SORCS3: variants seen among roughly 807,000 people sequenced by gnomAD.
SORCS3 encodes the protein sortilin related VPS10 domain containing receptor 3, also known as VPS10 domain-containing receptor SorCS3.
A neutral mutation model predicts 146.3 loss-of-function variants in SORCS3; 57 were observed. That is an observed-to-expected ratio of 0.39 (90% CI 0.31 to 0.49). SORCS3 has a LOEUF of 0.49. Among genes scored for constraint, SORCS3 ranks in the 20% least tolerant of loss-of-function variants. The pLI, the probability that SORCS3 is intolerant of heterozygous loss-of-function variation, is 0.92. For synonymous variants in SORCS3, 653 were observed against 618.5 expected, an observed-to-expected ratio of 1.06 and a Z score of -0.83; for missense variants, 1,341 against 1,575.5, an observed-to-expected ratio of 0.85 and a Z score of 2.52.
intron 5 of SORCS3, among the ~76,000 whole-genome samples, chr10:105,065,691 A>G (rs1181297462): frequency 6.6e-6 from 1 of 152,214 alleles, no homozygotes; most frequent in Non-Finnish European, 1.5e-5. Context: ...TCATTCTAAG[A>G]AGACAGCCAC....
chr10:105,246,237 A>G lies in SORCS3; in HGVS notation c.2992+572A>G, dbSNP rs2056865446. Among the ~76,000 whole-genome samples the G allele has an allele frequency of 1.3e-5, 2 of 152,164 alleles. 1 individual carries two copies. The highest frequency in any genetic ancestry group is 4.8e-5 in the African/African-American group (2 of 41,446). ...GAGAACCACTGTTAAGTTTATTACAAATGAAAGTGCCTCTACTGCCATTTC... is the reference window on the plus strand; with the variant it reads ...GAGAACCACTGTTAAGTTTATTACAGATGAAAGTGCCTCTACTGCCATTTC... On this transcript the variant is annotated intron_variant, in intron 21 of 26. Transcript: ENST00000369701.
At chr10:104,748,555 G>A (rs905028452) in intron 1 of SORCS3, among the ~76,000 whole-genome samples, 1 of 152,150 alleles carries the variant, frequency 6.6e-6, no homozygotes, top group Non-Finnish European at 1.5e-5. Flanking sequence ...CTCAGGGATA[G>A]GATTCTCTAG....
chr10:104,917,700 A>C (rs1288548997), intron 3 of SORCS3, among the ~76,000 whole-genome samples: 1 of 152,194 alleles, frequency 6.6e-6, no homozygotes, highest in African/African-American at 2.4e-5. Flanking sequence ...TTCTGAGATT[A>C]ACTCTTTTAG....
rs1384926543 is a variant in SORCS3, at chr10:105,256,915, A to G, written c.3434A>G (p.Lys1145Arg). The change falls in exon 25 of 27, where the codon AAG becomes AGG. Residue 1145 changes from lysine (K) to arginine (R), a missense_variant. By Grantham distance (26) the Lys-to-Arg change is conservative. Coordinates refer to ENST00000369701, the MANE Select transcript of SORCS3 (RefSeq NM_014978.3). ...FVGLAVFLIY[K>R]FKRKIPWINI... The stretch of plus-strand genomic sequence containing the variant: ...GGCCTGGCTGTGTTTTTGATCTACA[A>G]GTTTAAAAGGTATGTCCTATTATCA... The G allele has an allele frequency of 6.2e-7, 1 of 1,612,652 alleles. No individual in the cohort carries two copies. The highest frequency in any genetic ancestry group is 1.7e-5 in the Admixed American group (1 of 60,018).
intron 3 of SORCS3, among the ~76,000 whole-genome samples, chr10:104,975,328 A>T (rs2054888750): frequency 6.6e-6 from 1 of 152,120 alleles, no homozygotes. Flanking sequence ...AAAGAGAATA[A>T]AATACCTAGG....
intron 1 of SORCS3, among the ~76,000 whole-genome samples, chr10:104,694,623 G>A (rs569618679): frequency 3.9e-5 from 6 of 152,200 alleles, no homozygotes; most frequent in South Asian, 2.1e-4. Flanking sequence ...AAAAGGCCTG[G>A]CCATCTTGTC....
intron 1 of SORCS3, among the ~76,000 whole-genome samples, chr10:104,754,986 A>T (rs2017031611): frequency 6.6e-6 from 1 of 152,232 alleles, no homozygotes; most frequent in Non-Finnish European, 1.5e-5. Flanking sequence ...CCAAAGAAGA[A>T]ATTAAATTAG....
intron 1 of SORCS3, among the ~76,000 whole-genome samples, chr10:104,650,657 G>A (rs72811700): frequency 1.9e-4 from 29 of 152,298 alleles, no homozygotes; most frequent in Non-Finnish European, 3.7e-4. Flanking sequence ...GTATCTGGTG[G>A]TTAAGTCAAT....
At chr10:105,001,265 T>A (rs1046813730) in intron 4 of SORCS3, among the ~76,000 whole-genome samples, 1 of 152,154 alleles carries the variant, frequency 6.6e-6, no homozygotes, top group Non-Finnish European at 1.5e-5. Flanking sequence ...AGAAGAAGAA[T>A]GTTTCTGGAA....
intron 1 of SORCS3, among the ~76,000 whole-genome samples, chr10:104,681,304 C>G (rs1051784310): frequency 7.3e-6 from 1 of 136,154 alleles, no homozygotes; most frequent in Non-Finnish European, 1.6e-5. Flanking sequence ...CCCTGGAGTC[C>G]TTTCCCGGGC....
intron 5 of SORCS3, among the ~76,000 whole-genome samples, chr10:105,049,228 A>C (rs916108200): frequency 1.3e-5 from 2 of 152,110 alleles, no homozygotes; most frequent in Admixed American, 1.3e-4. Flanking sequence ...AAGAAGCATT[A>C]CATCAGCCAA....
intron 3 of SORCS3, among the ~76,000 whole-genome samples, chr10:104,968,422 A>G (rs1388719667): frequency 1.3e-5 from 2 of 152,166 alleles, no homozygotes; most frequent in Non-Finnish European, 2.9e-5. Context: ...GGCCTTGAGC[A>G]ACTTTCTGTT....
intron 5 of SORCS3, among the ~76,000 whole-genome samples, chr10:105,051,449 T>C (rs2055412242): frequency 6.6e-6 from 1 of 152,130 alleles, no homozygotes; most frequent in African/African-American, 2.4e-5. Context: ...TCCTATAATT[T>C]GCTTCAAAAG....
chr10:105,054,518 A>G (rs986484501), intron 5 of SORCS3, among the ~76,000 whole-genome samples: 1 of 151,948 alleles, frequency 6.6e-6, no homozygotes, highest in Non-Finnish European at 1.5e-5. Context: ...AATCATTTTA[A>G]TAACTTAATA....
chr10:104,983,516 C>T (rs1448544276), intron 4 of SORCS3, among the ~76,000 whole-genome samples: 1 of 152,130 alleles, frequency 6.6e-6, no homozygotes, highest in Non-Finnish European at 1.5e-5. Flanking sequence ...GAAATTCAGC[C>T]ATGGCAGTGT....
At chr10:105,138,191 C>T (rs1316682757) in intron 7 of SORCS3, among the ~76,000 whole-genome samples, 2 of 152,188 alleles carry the variant, frequency 1.3e-5, no homozygotes, top group Non-Finnish European at 2.9e-5. Flanking sequence ...TAAGCCTTTG[C>T]ACCAAGTTTT....
intron 2 of SORCS3, among the ~76,000 whole-genome samples, chr10:104,893,145 A>C (rs1014401440): frequency 6.6e-6 from 1 of 151,630 alleles, no homozygotes; most frequent in Non-Finnish European, 1.5e-5. Context: ...TCTACCTCCC[A>C]CTCTAGATTG....
intron 9 of SORCS3, among the ~76,000 whole-genome samples, chr10:105,156,558 C>T (rs1382437114): frequency 3.9e-5 from 6 of 152,140 alleles, no homozygotes; most frequent in Non-Finnish European, 5.9e-5. Context: ...AGGAATAGGG[C>T]TTATTCCACC....
rs899849623 is a variant in SORCS3 at position 104,743,457 on chromosome 10, G to A, written c.628-99335G>A. ...GTCTTCTTTGTCCACATGGTTTCTC[G>A]GCTCAATGGTCTCATGGTCCAGTGC... On this transcript the variant is annotated intron_variant, in intron 1 of 26. Coordinates refer to ENST00000369701, the MANE Select transcript of SORCS3 (RefSeq NM_014978.3). Among the ~76,000 whole-genome samples the A allele has an allele frequency of 6.6e-5, 10 of 152,092 alleles. No homozygotes were observed. In the South Asian group the frequency reaches 1.9e-3, roughly 28 times the overall value.
Sources: allele counts gnomAD v4.1 joint callset (sites outside exome capture counted in the v4.1 genomes callset), GRCh38; gene constraint gnomAD v4.1.1; transcripts MANE v1.5; gene names NCBI Gene and HGNC (gene_info 2026-07-23, HGNC 2026-07-21).